Variants in PCDHGA12 observed in about 807,000 individuals in gnomAD.
PCDHGA12 encodes protocadherin gamma subfamily A, 12.
Under a neutral mutation model 61.1 loss-of-function variants are expected in PCDHGA12, and 43 were observed. That is an observed-to-expected ratio of 0.70 (90% confidence interval 0.55 to 0.91). The LOEUF is 0.91. Ranked by LOEUF, PCDHGA12 falls within the 40% of genes least tolerant of loss-of-function variation. The pLI is 0.00. For synonymous variants in PCDHGA12, 520 were observed against 542.9 expected (o/e 0.96, Z 0.59); for missense variants, 1,236 against 1,227.7 (o/e 1.01, Z -0.10).
rs1369821635 is a variant in PCDHGA12, at chr5:141,512,208, G to T, written c.*1035G>T. ...TTCAGTCCAAGGAAGCTCGAAGCAG[G>T]TTTAGGACCAGGTCCCCTTGAGAGG... On this transcript the variant is annotated 3_prime_UTR_variant, in exon 4 of 4. Coordinates refer to ENST00000252085, the MANE Select transcript of PCDHGA12 (RefSeq NM_003735.3). 6.5e-6 allele frequency: 1 copy of T among 152,758 alleles called. No homozygotes were observed. The highest frequency in any genetic ancestry group is 2.4e-5 in the African/African-American group (1 of 41,454). The allele number at this position is 152,758 out of a possible 1,614,324, so 9.5% of individuals were successfully genotyped here.
At position 141,473,164 on chromosome 5, in the gene PCDHGA12, G is replaced by A. The variant is rs190029663; in HGVS notation, c.2425-21643G>A. Among the ~76,000 whole-genome samples the A allele has an allele frequency of 1.6e-3, 241 of 152,250 alleles. 5 individuals carry two copies. The highest frequency in any genetic ancestry group is 2.1e-4 in the Non-Finnish European group (14 of 68,014). ...TCTTCAGATCACTAGGGCTAGGAAG[G>A]CCCACTGGTAACTTGAAGGAGTAAA... On this transcript the variant is annotated intron_variant, in intron 1 of 3. Transcript: ENST00000252085.
At chr5:141,454,316 A>G (rs887472165) in intron 1 of PCDHGA12, among the ~76,000 whole-genome samples, 4 of 152,188 alleles carry the variant, frequency 2.6e-5, no homozygotes, top group Non-Finnish European at 4.4e-5. Context: ...AAGCATTGAA[A>G]CCTCCAAGAA....
At position 141,489,049 on chromosome 5, in the gene PCDHGA12, T is replaced by G; in HGVS notation, c.2425-5758T>G. 2.1e-6 allele frequency: 1 copy of G among 477,660 alleles called. No homozygotes were observed. Among genetic ancestry groups the G allele is most frequent in the Non-Finnish European group, 3.7e-6 (1 of 272,910 alleles). 29.6% of individuals were successfully genotyped at this position (477,660 alleles called of 1,614,324 possible). On this transcript the variant is annotated intron_variant, in intron 1 of 3. Transcript: ENST00000252085. The surrounding 1 kb of genome is among the most constrained non-coding windows in gnomAD (Gnocchi z 4.5). ...CTCCAGCTCCCCAGCTCCACTCAAA[T>G]TCAGCTCCCCTCCCCCCTGCCCACC... is the stretch of plus-strand genomic sequence containing the variant.
rs372168887 is a variant in PCDHGA12, at chr5:141,477,322, C to T, written c.2425-17485C>T. On this transcript the variant is annotated intron_variant, in intron 1 of 3. Transcript: ENST00000252085. The surrounding 1 kb of genome is among the most constrained non-coding windows in gnomAD (Gnocchi z 4.9). The stretch of plus-strand genomic sequence containing the variant: ...GTCTCCCTTTCAGCCTTACTTCTTC[C>T]CTCAAGAATTACTTCACTTTGAAAA... 17 of 1,614,050 alleles carry T rather than the reference C, an allele frequency of 1.1e-5. No homozygotes were observed. In the African/African-American group the frequency reaches 1.5e-4, roughly 14 times the overall value.
At chr5:141,455,634 G>C (rs1429708887) in intron 1 of PCDHGA12, among the ~76,000 whole-genome samples, 1 of 152,110 alleles carries the variant, frequency 6.6e-6, no homozygotes. Context: ...GAGATATGTG[G>C]GGGGCAGCCA....
At chr5:141,495,255 G>A (rs1055329757) in intron 2 of PCDHGA12, among the ~76,000 whole-genome samples, 5 of 152,212 alleles carry the variant, frequency 3.3e-5, no homozygotes, top group African/African-American at 1.2e-4. Flanking sequence ...GGCTCAGGCA[G>A]AAAAGCATTT....
chr5:141,489,571 G>A lies in PCDHGA12; in HGVS notation c.2425-5236G>A, dbSNP rs1206848223. The A allele has an allele frequency of 1.9e-6, 3 of 1,613,884 alleles. No individual in the cohort carries two copies. The highest frequency in any genetic ancestry group is 2.2e-5 in the South Asian group (2 of 91,070). On this transcript the variant is annotated intron_variant, in intron 1 of 3. Transcript: ENST00000252085. The surrounding 1 kb of genome is among the most constrained non-coding windows in gnomAD (Gnocchi z 4.5). ...CCTGCTGCCAGTGCAGGTGGTGACT[G>A]AACACCCCCTGGAGCTAATCCGTGT...
At position 141,477,019 on chromosome 5, in the gene PCDHGA12, C is replaced by T. The variant is rs148675327; in HGVS notation, c.2425-17788C>T. 1.9e-5 allele frequency: 30 copies of T among 1,614,242 alleles called. No individual in the cohort carries two copies. Among genetic ancestry groups the T allele is most frequent in the Non-Finnish European group, 2.5e-5 (30 of 1,180,048 alleles). On this transcript the variant is annotated intron_variant, in intron 1 of 3. Transcript: ENST00000252085. This position sits in a 1 kb window ranked among gnomAD's most constrained non-coding sequence, Gnocchi z 4.9. ...AACTATTCGCCTTAGACCTTGTAAC[C>T]GGGATGCTGACAATCAAGGGTCGGC...
rs141873183 is a variant in PCDHGA12 at position 141,511,011 on chromosome 5, C to T, written c.2637C>T (p.Tyr879=). The T allele has an allele frequency of 1.5e-5, 24 of 1,614,082 alleles. No individual in the cohort carries two copies. Among genetic ancestry groups the T allele is most frequent in the Middle Eastern group, 1.6e-4 (1 of 6,084 alleles). Residue 879 remains tyrosine (Y), a synonymous_variant, in exon 4 of 4, where the codon TAC becomes TAT. Transcript: ENST00000252085. ...GAGTMGLSAR[Y]GPQFTLQHVP... The stretch of plus-strand genomic sequence containing the variant: ...GCACCATGGGATTGAGCGCCCGCTA[C>T]GGACCCCAGTTCACCCTGCAGCACG...
intron 1 of PCDHGA12, among the ~76,000 whole-genome samples, chr5:141,484,179 A>G (rs2099592960): frequency 6.6e-6 from 1 of 152,222 alleles, no homozygotes; most frequent in South Asian, 2.1e-4. Context: ...GATCTCAATC[A>G]TTCAAGGAAG....
chr5:141,497,323 G>A lies in PCDHGA12; in HGVS notation c.2483+2458G>A, dbSNP rs373068300. Reference sequence around the variant, plus strand: ...CAGGCCATACACTGGCTTTGAAGCAGAATTCACCATTGAACCTGGAAGCCC... The same window carrying A: ...CAGGCCATACACTGGCTTTGAAGCAAAATTCACCATTGAACCTGGAAGCCC... On this transcript the variant is annotated intron_variant, in intron 2 of 3. Transcript: ENST00000252085. 1.2e-4 allele frequency among the ~76,000 whole-genome samples: 19 copies of A among 152,204 alleles called. No homozygotes were observed. In the East Asian group the frequency reaches 3.5e-3, roughly 28 times the overall value.
In PCDHGA12 at chr5:141,511,161, G is replaced by A; in HGVS notation, c.2787G>A (p.Lys929=). 1 of 1,614,176 alleles carries A rather than the reference G, an allele frequency of 6.2e-7. No individual in the cohort carries two copies. The highest frequency in any genetic ancestry group is 8.5e-7 in the Non-Finnish European group (1 of 1,180,010). ...GNGNKKKSGK[K]EKK ...GCAACAAGAAGAAGTCGGGCAAGAA[G>A]GAGAAGAAGTAACATGGAGGCCAGG... Residue 929 remains lysine, a synonymous_variant, in exon 4 of 4, where the codon AAG becomes AAA. Transcript: ENST00000252085.
rs1562137380 is a variant in PCDHGA12, at chr5:141,490,297, G to T, written c.2425-4510G>T. On this transcript the variant is annotated intron_variant, in intron 1 of 3. Coordinates refer to ENST00000252085, the MANE Select transcript of PCDHGA12 (RefSeq NM_003735.3). This position sits in a 1 kb window ranked among gnomAD's most constrained non-coding sequence, Gnocchi z 5.4. The stretch of plus-strand genomic sequence containing the variant: ...TGACAATGCCCCAGAGGTGCTATTG[G>T]CCTCTTTGGCCAACCCTGTCCTAGA... 2 of 1,614,202 alleles carry T rather than the reference G, an allele frequency of 1.2e-6. No individual in the cohort carries two copies. Among genetic ancestry groups the T allele is most frequent in the South Asian group, 1.1e-5 (1 of 91,086 alleles).
intron 1 of PCDHGA12, among the ~76,000 whole-genome samples, chr5:141,471,692 C>A (rs1293253544): frequency 6.6e-6 from 1 of 152,118 alleles, no homozygotes; most frequent in African/African-American, 2.4e-5. Context: ...TTCTGAAATT[C>A]TGGCTGGAAT....
chr5:141,476,230 G>A lies in PCDHGA12; in HGVS notation c.2425-18577G>A, dbSNP rs906283645. On this transcript the variant is annotated intron_variant, in intron 1 of 3. Coordinates refer to ENST00000252085, the MANE Select transcript of PCDHGA12 (RefSeq NM_003735.3). This position sits in a 1 kb window ranked among gnomAD's most constrained non-coding sequence, Gnocchi z 7.6. Reference sequence around the variant, plus strand: ...CCACGGTCATTCACTATGAGATCCCGGAGGAAAGAGAGAAGGGTTTCGCTG... The same window carrying A: ...CCACGGTCATTCACTATGAGATCCCAGAGGAAAGAGAGAAGGGTTTCGCTG... The A allele has an allele frequency of 1.2e-6, 2 of 1,614,040 alleles. No homozygotes were observed. Among genetic ancestry groups the A allele is most frequent in the Non-Finnish European group, 1.7e-6 (2 of 1,180,024 alleles).
chr5:141,451,443 C>A (rs1184838490), intron 1 of PCDHGA12, among the ~76,000 whole-genome samples: 1 of 152,176 alleles, frequency 6.6e-6, no homozygotes, highest in Non-Finnish European at 1.5e-5. Context: ...CAGTTCCTTG[C>A]TGGTTGTTAG....
chr5:141,478,652 G>A (rs188883724), intron 1 of PCDHGA12: 2 of 1,551,970 alleles, frequency 1.3e-6, no homozygotes, highest in East Asian at 2.4e-5. Flanking sequence ...TGTTTTCCTG[G>A]TGATGCATTC....
rs1033888717 is a variant in PCDHGA12 at position 141,512,540 on chromosome 5, T to C, written c.*1367T>C. 6.5e-6 allele frequency: 1 copy of C among 152,886 alleles called. No homozygotes were observed. Among genetic ancestry groups the C allele is most frequent in the African/African-American group, 2.4e-5 (1 of 41,476 alleles). 9.5% of individuals were successfully genotyped at this position (152,886 alleles called of 1,614,324 possible). ...CCATAGCCTGGTTAAAGTTCCCCAGTGCCTCCTTGTGCATAGACCTTCTTC... is the reference window on the plus strand; with the variant it reads ...CCATAGCCTGGTTAAAGTTCCCCAGCGCCTCCTTGTGCATAGACCTTCTTC... On this transcript the variant is annotated 3_prime_UTR_variant, in exon 4 of 4. Transcript: ENST00000252085.
chr5:141,469,829 A>G (rs2099212486), intron 1 of PCDHGA12, among the ~76,000 whole-genome samples: 1 of 152,102 alleles, frequency 6.6e-6, no homozygotes, highest in African/African-American at 2.4e-5. Context: ...AGGTCACATA[A>G]AACTTATTCT....
Sources: gnomAD v4.1 joint callset for allele counts (sites outside exome capture counted in the v4.1 genomes callset) on GRCh38, gnomAD v4.1.1 for gene constraint, Gnocchi (gnomAD v3.1) non-coding constraint, MANE v1.5 for transcripts, NCBI Gene and HGNC (gene_info 2026-07-23, HGNC 2026-07-21) for gene names.